Variants in SLC26A5 observed in about 807,000 individuals in gnomAD.
SLC26A5 encodes the protein solute carrier family 26 member 5.
Under a neutral mutation model 81.0 loss-of-function variants are expected in SLC26A5, and 51 were observed. That is an observed-to-expected ratio of 0.63 (90% CI 0.50 to 0.80). The LOEUF (loss-of-function observed/expected upper bound fraction) is 0.80, where lower values mean the gene tolerates loss of function less well. SLC26A5 is among the 30% of genes least tolerant of loss of function. SLC26A5 has a pLI of 0.00. For synonymous variants in SLC26A5, 325 were observed against 332.8 expected (o/e 0.98, Z 0.25); for missense variants, 771 against 905.8 (o/e 0.85, Z 1.91).
At chr7:103,389,215 C>T (rs948132194) in intron 13 of SLC26A5, 101 bp from the exon 14 acceptor site, 1 of 1,199,076 alleles carries the variant, frequency 8.3e-7, no homozygotes, top group African/African-American at 1.5e-5. Context: ...TTTACCTTGT[C>T]TAACTGGATA....
chr7:103,424,602 A>G (rs1488634584), intron 2 of SLC26A5, among the ~76,000 whole-genome samples: 3 of 152,184 alleles, frequency 2.0e-5, no homozygotes, highest in South Asian at 2.1e-4. Context: ...CTTCCTACAT[A>G]TGGCCCCTTG....
At chr7:103,370,141 A>G (rs151282824), downstream of SLC26A5, among the ~76,000 whole-genome samples, 454 of 152,280 alleles carry the variant, frequency 3.0e-3, 2 homozygotes, top group Non-Finnish European at 5.3e-3. Context: ...TCAAACTTTT[A>G]TGAGCATTCA....
chr7:103,435,975 C>A (rs1055734943), intron 2 of SLC26A5, among the ~76,000 whole-genome samples: 1 of 151,850 alleles, frequency 6.6e-6, no homozygotes, highest in Admixed American at 6.6e-5. Flanking sequence ...GGCATTTGTA[C>A]GCTAAAATTT....
chr7:103,359,138 CTTTTTTTTTTTTTTT>C (rs35936603), intron 19 of SLC26A5, among the ~76,000 whole-genome samples: 76 of 31,342 alleles, frequency 2.4e-3, no homozygotes, highest in South Asian at 3.7e-3. Flanking sequence ...CCATGTCTGG[CTTTTTTTTTTTTTTT>C]TTTTTTTTTT....
chr7:103,430,076 C>CTTT (rs34122107), intron 2 of SLC26A5, among the ~76,000 whole-genome samples: 1 of 137,184 alleles, frequency 7.3e-6, no homozygotes, highest in Non-Finnish European at 1.6e-5. Flanking sequence ...GGAAATGGCA[C>CTTT]TTTTTTTTTT....
At chr7:103,363,570 AGAG>A (rs1820531446) in intron 19 of SLC26A5, 1 of 780,526 alleles carries the variant, frequency 1.3e-6, no homozygotes, top group African/African-American at 1.7e-5. Context: ...GAGGGTGGAG[AGAG>A]GAGGTGTGGA....
exon 20 of SLC26A5, chr7:103,352,916 C>T (rs755302817): frequency 1.5e-5 from 12 of 780,938 alleles, no homozygotes; most frequent in Non-Finnish European, 2.9e-5. Flanking sequence ...CTGGTCATCT[C>T]TGTATGAAAG....
chr7:103,412,542 G>GT (rs1244758241), intron 5 of SLC26A5, among the ~76,000 whole-genome samples: 8,013 of 120,424 alleles, frequency 0.067, 493 homozygotes, highest in East Asian at 0.16. Context: ...GAGGAGTGTA[G>GT]TTTTTTTTTT....
chr7:103,403,657 A>C (rs186780587), intron 8 of SLC26A5, among the ~76,000 whole-genome samples: 2 of 148,570 alleles, frequency 1.3e-5, no homozygotes, highest in African/African-American at 4.9e-5. Flanking sequence ...TGTTGGTTTA[A>C]AGTCTGTTTT....
Position 103,364,120 on chromosome 7 carries a change from T to A in SLC26A5, c.2042-11194A>T, listed in dbSNP as rs1205288560. On this transcript the variant is annotated intron_variant, in intron 19 of 19. Transcript: ENST00000339444. ...TTTTGTTATACAGAAGTGGTAAGTG[T>A]GAAAATTGTGTCTCTATCACAGCCA... 3.1e-6 allele frequency: 5 copies of A among 1,608,090 alleles called. No individual in the cohort carries two copies. In the South Asian group the frequency reaches 3.3e-5, roughly 11 times the overall value.
At chr7:103,364,897 C>A (rs564694305) in intron 19 of SLC26A5, among the ~76,000 whole-genome samples, 233 of 147,558 alleles carry the variant, frequency 1.6e-3, no homozygotes, top group Admixed American at 3.7e-3. Context: ...ACTTCAGGGG[C>A]AGTGTTTTCA....
chr7:103,355,404 G>T (rs1040184224), intron 19 of SLC26A5, among the ~76,000 whole-genome samples: 2 of 152,136 alleles, frequency 1.3e-5, no homozygotes, highest in Non-Finnish European at 2.9e-5. Context: ...TTACTTTAGG[G>T]CAGGGTGTAG....
At chr7:103,370,508 C>G (rs915753200), downstream of SLC26A5, among the ~76,000 whole-genome samples, 1 of 152,128 alleles carries the variant, frequency 6.6e-6, no homozygotes, top group African/African-American at 2.4e-5. Flanking sequence ...AGTGTACACT[C>G]AGAGGCTGGT....
intron 2 of SLC26A5, among the ~76,000 whole-genome samples, chr7:103,426,213 C>G (rs529743929): frequency 6.6e-6 from 1 of 152,174 alleles, no homozygotes; most frequent in Non-Finnish European, 1.5e-5. Flanking sequence ...AGTGCAACAT[C>G]CACTATACTT....
downstream of SLC26A5, among the ~76,000 whole-genome samples, chr7:103,371,241 TAAC>T (rs2116302374): frequency 6.6e-6 from 1 of 152,176 alleles, no homozygotes; most frequent in East Asian, 1.9e-4. Context: ...TTAATATACA[TAAC>T]AATTCTATTC....
intron 8 of SLC26A5, among the ~76,000 whole-genome samples, chr7:103,401,298 T>C (rs1449712297): frequency 1.3e-5 from 2 of 152,198 alleles, no homozygotes; most frequent in Non-Finnish European, 2.9e-5. Context: ...CCCTTATAAG[T>C]TGTATTCATA....
intron 8 of SLC26A5, among the ~76,000 whole-genome samples, chr7:103,405,143 G>A (rs369917401): frequency 2.6e-5 from 4 of 152,106 alleles, no homozygotes; most frequent in Admixed American, 1.3e-4. Context: ...CCTTTAGCTC[G>A]GAGGAGTTTG....
chr7:103,412,054 G>A (rs914753786), intron 5 of SLC26A5, among the ~76,000 whole-genome samples: 3 of 152,170 alleles, frequency 2.0e-5, no homozygotes, highest in Admixed American at 1.3e-4. Context: ...GAGAAAGGAA[G>A]GCAGGGAAGA....
chr7:103,362,364 TG>T, intron 19 of SLC26A5: 1 of 1,349,234 alleles, frequency 7.4e-7, no homozygotes, highest in South Asian at 1.7e-5. Context: ...TGGTATAGGT[TG>T]GGGGAGTACT....
Sources: gnomAD v4.1 joint callset for allele counts (sites outside exome capture counted in the v4.1 genomes callset) on GRCh38, gnomAD v4.1.1 for gene constraint, MANE v1.5 for transcripts, NCBI Gene and HGNC (gene_info 2026-07-23, HGNC 2026-07-21) for gene names.